DOCK3: variants seen among roughly 807,000 people sequenced by gnomAD.
The protein encoded by DOCK3 is dedicator of cytokinesis 3.
DOCK3 carries 60 observed loss-of-function variants against 265.6 expected under a neutral mutation model. That is an observed-to-expected ratio of 0.23 (90% confidence interval 0.18 to 0.28). The LOEUF (loss-of-function observed/expected upper bound fraction) is 0.28. Among genes scored for constraint, DOCK3 ranks in the 10% least tolerant of loss-of-function variants. The pLI is 1.00. For missense variants in DOCK3, 1,981 were observed against 2,594.3 expected, an observed-to-expected ratio of 0.76 and a Z score of 5.14; for synonymous variants, 881 against 938.0, an observed-to-expected ratio of 0.94 and a Z score of 1.11.
chr3:51,375,931 C>G, intron 51 of DOCK3, 96 bp downstream of exon 51: 1 of 1,252,186 alleles, frequency 8.0e-7, no homozygotes, highest in Non-Finnish European at 1.2e-6. Flanking sequence ...CTAAGCCATA[C>G]TTCAACACTC....
At chr3:50,792,413 A>C (rs1408946146) in intron 2 of DOCK3, among the ~76,000 whole-genome samples, 2 of 151,938 alleles carry the variant, frequency 1.3e-5, no homozygotes, top group Admixed American at 6.5e-5. Context: ...GGGTAGTTTG[A>C]CTTCCTCTCT....
intron 40 of DOCK3, among the ~76,000 whole-genome samples, chr3:51,354,285 C>T (rs1369002531): frequency 2.0e-5 from 3 of 147,828 alleles, no homozygotes; most frequent in Non-Finnish European, 4.5e-5. Context: ...ACATTGGAGT[C>T]AGGGTCAGGG....
At chr3:50,734,725 C>G (rs1195468508) in intron 1 of DOCK3, among the ~76,000 whole-genome samples, 1 of 149,674 alleles carries the variant, frequency 6.7e-6, no homozygotes, top group Non-Finnish European at 1.5e-5. Context: ...GTGTCAGCCT[C>G]CCAAGTAGCT....
intron 49 of DOCK3, among the ~76,000 whole-genome samples, chr3:51,366,540 G>A (rs2087187395): frequency 6.6e-6 from 1 of 152,078 alleles, no homozygotes; most frequent in African/African-American, 2.4e-5. Flanking sequence ...GCTTTTGAAT[G>A]TGTTTGCTCT....
intron 4 of DOCK3, among the ~76,000 whole-genome samples, chr3:50,915,846 C>T (rs957222900): frequency 6.6e-6 from 1 of 152,004 alleles, no homozygotes; most frequent in African/African-American, 2.4e-5. Flanking sequence ...ACTACCTCAG[C>T]TCTGGCCCAT....
chr3:51,299,749 G>A (rs1464147928), intron 27 of DOCK3, among the ~76,000 whole-genome samples: 3 of 151,984 alleles, frequency 2.0e-5, no homozygotes, highest in Admixed American at 6.6e-5. Flanking sequence ...TTCTGAGATC[G>A]CTATTCTGTT....
At chr3:50,772,290 G>A (rs536893489) in intron 1 of DOCK3, among the ~76,000 whole-genome samples, 1 of 152,334 alleles carries the variant, frequency 6.6e-6, no homozygotes. Flanking sequence ...AGTTACTAGA[G>A]GGTGCGAAGG....
At chr3:51,013,053 CT>C (rs1032205128) in intron 5 of DOCK3, among the ~76,000 whole-genome samples, 1 of 152,104 alleles carries the variant, frequency 6.6e-6, no homozygotes, top group Non-Finnish European at 1.5e-5. Context: ...TTCATCTAAT[CT>C]TTTTTCCAGA....
intron 1 of DOCK3, among the ~76,000 whole-genome samples, chr3:50,698,892 T>A (rs1394959880): frequency 6.6e-6 from 1 of 152,178 alleles, no homozygotes; most frequent in African/African-American, 2.4e-5. Flanking sequence ...CTATATATTC[T>A]AGATATCAAT....
chr3:51,357,929 T>C (rs1455315978), intron 45 of DOCK3, 32 bp from the exon 46 acceptor site: 1 of 1,612,772 alleles, frequency 6.2e-7, no homozygotes, highest in Non-Finnish European at 8.5e-7. Context: ...TACTCATGGT[T>C]CACAGAGTGG....
chr3:51,351,525 G>A (rs1281106666), intron 40 of DOCK3, among the ~76,000 whole-genome samples: 3 of 152,170 alleles, frequency 2.0e-5, no homozygotes, highest in African/African-American at 4.8e-5. Context: ...AAGGAAAAAC[G>A]ATCTGTGTGA....
intron 1 of DOCK3, among the ~76,000 whole-genome samples, chr3:50,744,416 C>G (rs1325751554): frequency 1.3e-5 from 2 of 149,350 alleles, no homozygotes; most frequent in Non-Finnish European, 3.0e-5. Context: ...ATGTGTAGCT[C>G]TTTGATCCAT....
chr3:50,886,233 A>G (rs1332371892), intron 3 of DOCK3, among the ~76,000 whole-genome samples: 2 of 144,118 alleles, frequency 1.4e-5, no homozygotes, highest in East Asian at 2.0e-4. Context: ...GGTATGCACT[A>G]GGTGTTATTT....
At chr3:50,877,650 T>TTTTACTTTTC (rs1553690860) in intron 3 of DOCK3, 3 of 389,218 alleles carry the variant, frequency 7.7e-6, no homozygotes, top group African/African-American at 6.7e-5. Context: ...TGGCAGCCAC[T>TTTTACTTTTC]TTTTCTTTTC....
intron 6 of DOCK3, among the ~76,000 whole-genome samples, chr3:51,065,456 G>A (rs996192380): frequency 2.0e-5 from 3 of 152,168 alleles, no homozygotes; most frequent in Non-Finnish European, 2.9e-5. Context: ...TATATGTGGA[G>A]GAAACCTTAG....
chr3:51,341,159 T>C, intron 37 of DOCK3, 78 bp from the exon 38 acceptor site: 1 of 1,481,582 alleles, frequency 6.7e-7, no homozygotes, highest in Non-Finnish European at 9.0e-7. Context: ...CTGCCCAGCA[T>C]AGTCCTCTGA....
chr3:51,097,131 C>T lies in DOCK3; in HGVS notation c.746+6747C>T, dbSNP rs1302336318. 5.3e-5 allele frequency among the ~76,000 whole-genome samples: 8 copies of T among 152,198 alleles called. 1 individual carries two copies. The highest frequency in any genetic ancestry group is 5.2e-4 in the Admixed American group (8 of 15,286). On this transcript the variant is annotated intron_variant, in intron 9 of 52. Coordinates refer to ENST00000266037, the MANE Select transcript of DOCK3 (RefSeq NM_004947.5). ...AGTCTGTCCCTCAGCAGAGCTCAAG[C>T]GCTGTGTTGGGAGATCCGTTGCTGT... is the stretch of plus-strand genomic sequence containing the variant.
chr3:50,858,184 A>T (rs1008461488), intron 3 of DOCK3, among the ~76,000 whole-genome samples: 3 of 152,142 alleles, frequency 2.0e-5, no homozygotes, highest in Admixed American at 6.5e-5. Context: ...GAGGACAGAA[A>T]ACCAAACACC....
chr3:50,965,730 A>G (rs530527077), intron 5 of DOCK3, among the ~76,000 whole-genome samples: 1 of 152,288 alleles, frequency 6.6e-6, no homozygotes, highest in African/African-American at 2.4e-5. Flanking sequence ...ACGAGATTGT[A>G]TCAGATCTGT....
Sources: allele counts gnomAD v4.1 joint callset (sites outside exome capture counted in the v4.1 genomes callset), GRCh38; gene constraint gnomAD v4.1.1; transcripts MANE v1.5; gene names NCBI Gene and HGNC (gene_info 2026-07-23, HGNC 2026-07-21).